The following DDX60L variants were observed in gnomAD, a reference collection of about 807,000 sequenced individuals.
DDX60L encodes probable ATP-dependent RNA helicase DDX60-like.
Under a neutral mutation model 211.6 loss-of-function variants are expected in DDX60L, and 191 were observed. That is an observed-to-expected ratio of 0.90 (90% CI 0.80 to 1.02). The LOEUF (loss-of-function observed/expected upper bound fraction) is 1.02. DDX60L is among the 50% of genes least tolerant of loss of function. The pLI is 0.00. For synonymous variants in DDX60L, 706 were observed against 694.1 expected, an observed-to-expected ratio of 1.02 and a Z score of -0.27; for missense variants, 2,007 against 1,984.1, an observed-to-expected ratio of 1.01 and a Z score of -0.22.
intron 29 of DDX60L, among the ~76,000 whole-genome samples, chr4:168,388,632 T>C (rs1390803061): frequency 3.3e-5 from 5 of 152,224 alleles, no homozygotes; most frequent in Non-Finnish European, 5.9e-5. Flanking sequence ...TTGTCCGTAG[T>C]TGCACAGCTA....
rs76458541 is a variant in DDX60L at position 168,462,164 on chromosome 4, A to C, written c.265-124T>G. 1,827 of 723,048 alleles carry C rather than the reference A, an allele frequency of 2.5e-3. 6 individuals are homozygous for C. Among genetic ancestry groups the C allele is most frequent in the Non-Finnish European group, 3.6e-3 (1,606 of 448,950 alleles). 44.8% of individuals were successfully genotyped at this position (723,048 alleles called of 1,614,324 possible). A position where few individuals can be genotyped will look rare whatever the true frequency, so the allele number is the denominator to read the frequency against. On this transcript the variant is annotated intron_variant, in intron 4 of 37. Coordinates refer to ENST00000682922, the MANE Select transcript of DDX60L (RefSeq NM_001012967.3). The stretch of plus-strand genomic sequence containing the variant: ...TCATGTGATCTAATTGTTTTGCTCA[A>C]GGGCCTTAAACTTGACTCCTTTCAC...
rs770737768 is a variant in DDX60L, at chr4:168,379,876, T to C, written c.4117-46A>G. The stretch of plus-strand genomic sequence containing the variant: ...AATTTATCTAGTTTTAAACAGTATT[T>C]GTAAATACTGATATGTAATAAATAG... On this transcript the variant is annotated intron_variant, in intron 30 of 37. Transcript: ENST00000682922. 9 of 1,350,394 alleles carry C rather than the reference T, an allele frequency of 6.7e-6. No homozygotes were observed. In the African/African-American group the frequency reaches 1.2e-4, roughly 18 times the overall value. The allele number at this position is 1,350,394 out of a possible 1,614,324, so 83.7% of individuals were successfully genotyped here.
chr4:168,395,240 A>G (rs947869762), intron 27 of DDX60L, among the ~76,000 whole-genome samples: 1 of 152,242 alleles, frequency 6.6e-6, no homozygotes, highest in Non-Finnish European at 1.5e-5. Context: ...ACATAAATAT[A>G]TACTATGAAG....
At chr4:168,426,070 C>T (rs1244235969) in intron 14 of DDX60L, among the ~76,000 whole-genome samples, 1 of 152,154 alleles carries the variant, frequency 6.6e-6, no homozygotes, top group Non-Finnish European at 1.5e-5. Flanking sequence ...CCCTCCCTGC[C>T]AGCCCACAGT....
intron 36 of DDX60L, among the ~76,000 whole-genome samples, chr4:168,367,394 C>T (rs576902215): frequency 3.9e-4 from 59 of 152,288 alleles, no homozygotes; most frequent in African/African-American, 1.4e-3. Context: ...TTCTCATCTG[C>T]CACCATGTGA....
At chr4:168,437,099 T>A (rs139648940) in intron 10 of DDX60L, among the ~76,000 whole-genome samples, 1 of 152,326 alleles carries the variant, frequency 6.6e-6, no homozygotes, top group East Asian at 1.9e-4. Flanking sequence ...AACAGTACTC[T>A]ATGGGTCCAG....
At chr4:168,420,457 TACACATACACAC>T (rs1424413298) in intron 17 of DDX60L, 77 bp from the exon 18 acceptor site, 2 of 816,080 alleles carry the variant, frequency 2.5e-6, no homozygotes, top group South Asian at 1.7e-5. Flanking sequence ...ACCGAATCCA[TACACATACACAC>T]ACACACACAC....
Position 168,361,181 on chromosome 4 carries a change from CA to C in DDX60L, c.4958del (p.Leu1653Ter), listed in dbSNP as rs1393795634. ...CCTGAATGTTGAATGCAAAATCTTTCAAACACTTTAAAAGCTGTCCCATACG... is the reference window on the plus strand; with the variant it reads ...CCTGAATGTTGAATGCAAAATCTTTCAACACTTTAAAAGCTGTCCCATACG... ...GMRMGQLLKCLKDFAFNIQAI... is the reference protein window; with the variant it reads ...GMRMGQLLKCXKDFAFNIQAI... On this transcript the variant is annotated frameshift_variant, in exon 37 of 38. Coordinates refer to ENST00000682922, the MANE Select transcript of DDX60L (RefSeq NM_001012967.3). LOFTEE classifies it low-confidence loss of function (END_TRUNC). The C allele has an allele frequency of 6.2e-7, 1 of 1,608,702 alleles. No individual in the cohort carries two copies. Among genetic ancestry groups the C allele is most frequent in the Non-Finnish European group, 8.5e-7 (1 of 1,176,190 alleles).
chr4:168,410,637 T>C (rs942659240), intron 22 of DDX60L, among the ~76,000 whole-genome samples: 3 of 152,216 alleles, frequency 2.0e-5, no homozygotes, highest in African/African-American at 7.2e-5. Context: ...CTTGAACCTA[T>C]ATAATTTAAT....
At chr4:168,479,879 G>A (rs1353060948) in intron 1 of DDX60L, among the ~76,000 whole-genome samples, 4 of 151,830 alleles carry the variant, frequency 2.6e-5, no homozygotes, top group African/African-American at 9.7e-5. Flanking sequence ...AGCTACTCGG[G>A]AGGTTGAGGC....
intron 30 of DDX60L, among the ~76,000 whole-genome samples, chr4:168,381,673 G>T (rs534346503): frequency 6.6e-6 from 1 of 151,796 alleles, no homozygotes; most frequent in Admixed American, 6.6e-5. Flanking sequence ...GGCAGAAAAA[G>T]TCAAGTGACC....
chr4:168,415,038 T>A (rs1021125386), intron 22 of DDX60L, among the ~76,000 whole-genome samples: 1 of 151,976 alleles, frequency 6.6e-6, no homozygotes, highest in African/African-American at 2.4e-5. Context: ...AATGGATACA[T>A]ACCTCATTTA....
At chr4:168,376,331 G>A (rs557941142) in intron 33 of DDX60L, among the ~76,000 whole-genome samples, 1 of 152,122 alleles carries the variant, frequency 6.6e-6, no homozygotes, top group Admixed American at 6.5e-5. Flanking sequence ...TGGTAAAAAG[G>A]AAAGAAAAAC....
In DDX60L at chr4:168,432,482, AGTC is replaced by A. The variant is rs770854144; in HGVS notation, c.1486_1488del (p.Asp496del). 6.3e-7 allele frequency: 1 copy of A among 1,579,172 alleles called. No individual in the cohort carries two copies. The highest frequency in any genetic ancestry group is 1.2e-5 in the South Asian group (1 of 85,852). On this transcript the variant is annotated inframe_deletion, in exon 12 of 38. Transcript: ENST00000682922. ...TCAACATGACATTTGATCCTGTCAT[AGTC>A]GTCACTAAGGAGTCTTTGAGCATGC...
chr4:168,384,953 G>C (rs1225853201), intron 29 of DDX60L, 141 bp from the exon 30 acceptor site: 7 of 890,968 alleles, frequency 7.9e-6, no homozygotes, highest in Non-Finnish European at 1.2e-5. Flanking sequence ...TGTTAACATG[G>C]CACTTAAAAA....
chr4:168,365,561 A>T (rs1198208998), intron 36 of DDX60L, among the ~76,000 whole-genome samples: 9 of 151,686 alleles, frequency 5.9e-5, no homozygotes, highest in African/African-American at 2.2e-4. Flanking sequence ...AAAGCCCACG[A>T]CTTAATGGCT....
chr4:168,359,319 T>C (rs189123322), intron 37 of DDX60L, among the ~76,000 whole-genome samples: 4 of 152,346 alleles, frequency 2.6e-5, no homozygotes, highest in Non-Finnish European at 4.4e-5. Context: ...GGATGTCTTA[T>C]AGACAACACA....
At chr4:168,387,855 C>T (rs1377327256) in intron 29 of DDX60L, among the ~76,000 whole-genome samples, 1 of 152,204 alleles carries the variant, frequency 6.6e-6, no homozygotes, top group Non-Finnish European at 1.5e-5. Context: ...TTAATCCTCA[C>T]ATGGGCTGTG....
Position 168,415,587 on chromosome 4 carries a change from A to C in DDX60L, c.2869+70T>G, listed in dbSNP as rs62334127. ...TATTAGAATATGGATTTAAAACACA[A>C]AAATCCCTATAAAAAGCTTTGTAGT... On this transcript the variant is annotated intron_variant, in intron 21 of 37. Coordinates refer to ENST00000682922, the MANE Select transcript of DDX60L (RefSeq NM_001012967.3). 13,199 of 1,428,544 alleles carry C rather than the reference A, an allele frequency of 9.2e-3. 76 individuals carry two copies. The highest frequency in any genetic ancestry group is 0.012 in the Middle Eastern group (63 of 5,316). 88.5% of individuals were successfully genotyped at this position (1,428,544 alleles called of 1,614,324 possible).
Sources: gnomAD v4.1 joint callset for allele counts (sites outside exome capture counted in the v4.1 genomes callset) on GRCh38, gnomAD v4.1.1 for gene constraint, MANE v1.5 for transcripts, NCBI Gene and HGNC (gene_info 2026-07-23, HGNC 2026-07-21) for gene names.